Variants in RGS9 observed in about 807,000 individuals in gnomAD.
RGS9 encodes the protein regulator of G-protein signalling 9.
RGS9 carries 78 observed loss-of-function variants against 102.0 expected under a neutral mutation model. That is an observed-to-expected ratio of 0.76 (90% CI 0.64 to 0.92). The LOEUF (loss-of-function observed/expected upper bound fraction) is 0.92. RGS9 is among the 40% of genes least tolerant of loss of function. The pLI, the probability that RGS9 is intolerant of heterozygous loss-of-function variation, is 0.00. For synonymous variants in RGS9, 353 were observed against 318.6 expected, an observed-to-expected ratio of 1.11 and a Z score of -1.15; for missense variants, 833 against 866.1, an observed-to-expected ratio of 0.96 and a Z score of 0.48.
chr17:65,194,642 A>G (rs1440560276), intron 12 of RGS9, among the ~76,000 whole-genome samples: 2 of 152,074 alleles, frequency 1.3e-5, no homozygotes, highest in African/African-American at 4.8e-5. Context: ...GTTATTTGGA[A>G]GAGGGGGCAG....
intron 1 of RGS9, among the ~76,000 whole-genome samples, chr17:65,142,557 T>C (rs1443850183): frequency 6.6e-6 from 1 of 151,598 alleles, no homozygotes; most frequent in Non-Finnish European, 1.5e-5. Context: ...TATGCCACTG[T>C]TTTTCTCCCT....
Position 65,225,295 on chromosome 17 carries a change from C to A in RGS9, c.1701C>A (p.Arg567=). 6.2e-7 allele frequency: 1 copy of A among 1,609,060 alleles called. No homozygotes were observed. Among genetic ancestry groups the A allele is most frequent in the East Asian group, 2.2e-5 (1 of 44,826 alleles). The change falls in exon 18 of 19, where the codon CGC becomes CGA. Residue 567 remains arginine, a synonymous_variant. Coordinates refer to ENST00000262406, the MANE Select transcript of RGS9 (RefSeq NM_003835.4). ...SEASLDTSWP[R]SRPRAPPKAR... is the part of the protein sequence containing the mutation. ...CCTCCCTCGACACCTCCTGGCCTCG[C>A]AGCCGGCCCAGGGCCCCTCCTAAGG...
chr17:65,182,741 G>A (rs572698410), intron 9 of RGS9, among the ~76,000 whole-genome samples: 2 of 152,072 alleles, frequency 1.3e-5, no homozygotes, highest in Admixed American at 1.3e-4. Context: ...TGATCCAACC[G>A]CTGCTCCCCT....
intron 17 of RGS9, among the ~76,000 whole-genome samples, chr17:65,222,922 A>C (rs906478494): frequency 6.6e-6 from 1 of 152,176 alleles, no homozygotes; most frequent in African/African-American, 2.4e-5. Context: ...TGTAGACCAC[A>C]CCGAGGCATC....
At chr17:65,174,425 A>G (rs1911536355) in intron 8 of RGS9, among the ~76,000 whole-genome samples, 1 of 151,250 alleles carries the variant, frequency 6.6e-6, no homozygotes, top group South Asian at 2.1e-4. Flanking sequence ...GTGTGAATGT[A>G]TGTGTGCGAG....
chr17:65,162,381 CA>C (rs879572499), intron 6 of RGS9, among the ~76,000 whole-genome samples: 12 of 149,014 alleles, frequency 8.1e-5, no homozygotes, highest in East Asian at 2.0e-4. Context: ...GACACTGTCT[CA>C]AAAAAAAAAT....
chr17:65,173,513 TG>T lies in RGS9; in HGVS notation c.583-4218del, dbSNP rs1209260478. On this transcript the variant is annotated intron_variant, in intron 8 of 18. Transcript: ENST00000262406. This position sits in a 1 kb window ranked among gnomAD's most constrained non-coding sequence, Gnocchi z 4.8. ...CTGAATGATGATGCATTGAGCAAAT[TG>T]CCTCTTTGGCTTACACCCAAGGGAT... 2.0e-5 allele frequency among the ~76,000 whole-genome samples: 3 copies of T among 152,276 alleles called. No individual in the cohort carries two copies. The East Asian group carries it at 5.8e-4, about 29-fold the overall frequency.
rs924545844 is a variant in RGS9, at chr17:65,168,266, G to A, written c.567G>A (p.Leu189=). ...ACTGCCAGGAGAAGGCATACTGGCT[G>A]GTGCACCGATGCCCTGTGAGTATCC... ...ALDCQEKAYW[L]VHRCPPGMDN... is the part of the protein sequence containing the mutation. Residue 189 remains leucine, a synonymous_variant, in exon 8 of 19, where the codon CTG becomes CTA. Coordinates refer to ENST00000262406, the MANE Select transcript of RGS9 (RefSeq NM_003835.4). 4 of 1,608,828 alleles carry A rather than the reference G, an allele frequency of 2.5e-6. No individual in the cohort carries two copies. Among genetic ancestry groups the A allele is most frequent in the African/African-American group, 1.3e-5 (1 of 74,832 alleles).
At chr17:65,187,316 G>C (rs904438600) in intron 9 of RGS9, among the ~76,000 whole-genome samples, 41 of 152,152 alleles carry the variant, frequency 2.7e-4, no homozygotes, top group Non-Finnish European at 1.5e-4. Flanking sequence ...ACACAAATAA[G>C]GATAAAATTC....
At chr17:65,139,282 C>G (rs1910060398) in intron 1 of RGS9, among the ~76,000 whole-genome samples, 1 of 147,638 alleles carries the variant, frequency 6.8e-6, no homozygotes, top group African/African-American at 2.5e-5. Flanking sequence ...CCACCCCGGT[C>G]TCCCCTCCTC....
At chr17:65,143,067 T>G (rs563329549) in intron 1 of RGS9, among the ~76,000 whole-genome samples, 1 of 152,288 alleles carries the variant, frequency 6.6e-6, no homozygotes, top group African/African-American at 2.4e-5. Flanking sequence ...TAACCATTGC[T>G]CTTTTTGAAA....
chr17:65,187,979 G>C (rs920635455), intron 9 of RGS9, among the ~76,000 whole-genome samples: 2 of 152,138 alleles, frequency 1.3e-5, no homozygotes, highest in Admixed American at 6.5e-5. Context: ...TGGCAACAGA[G>C]AGAGACTCTG....
At chr17:65,219,055 G>A (rs1021303966) in intron 17 of RGS9, among the ~76,000 whole-genome samples, 2 of 152,236 alleles carry the variant, frequency 1.3e-5, no homozygotes, top group Non-Finnish European at 2.9e-5. Flanking sequence ...GCAGAGGGGT[G>A]GGCAGGGCCA....
chr17:65,226,911 A>AG (rs1277319372), intron 18 of RGS9, among the ~76,000 whole-genome samples: 9 of 152,182 alleles, frequency 5.9e-5, no homozygotes, highest in Non-Finnish European at 1.0e-4. Flanking sequence ...CACAGTGCCC[A>AG]GCACCCATGA....
chr17:65,137,442 G>C lies in RGS9; in HGVS notation c.-99G>C. 7.9e-7 allele frequency: 1 copy of C among 1,263,076 alleles called. No homozygotes were observed. Among genetic ancestry groups the C allele is most frequent in the Non-Finnish European group, 1.1e-6 (1 of 875,184 alleles). 78.2% of individuals were successfully genotyped at this position (1,263,076 alleles called of 1,614,324 possible). ...CCCGCCCAGCCGCCTCCCCGTCGACGCCCAGGGCTGGGGCGAGCCAGGCTG... is the reference window on the plus strand; with the variant it reads ...CCCGCCCAGCCGCCTCCCCGTCGACCCCCAGGGCTGGGGCGAGCCAGGCTG... On this transcript the variant is annotated 5_prime_UTR_variant, in exon 1 of 19. Coordinates refer to ENST00000262406, the MANE Select transcript of RGS9 (RefSeq NM_003835.4).
chr17:65,198,626 A>T (rs1320676284), intron 13 of RGS9, among the ~76,000 whole-genome samples: 1 of 152,216 alleles, frequency 6.6e-6, no homozygotes, highest in Non-Finnish European at 1.5e-5. Flanking sequence ...GATCAGAACC[A>T]GGCTGTGCAT....
chr17:65,221,469 G>T (rs1460486554), intron 17 of RGS9, among the ~76,000 whole-genome samples: 1 of 152,166 alleles, frequency 6.6e-6, no homozygotes, highest in East Asian at 1.9e-4. Context: ...ATTTTTGGAT[G>T]GCAATGTGAA....
At chr17:65,188,116 C>T (rs1912201895) in intron 9 of RGS9, among the ~76,000 whole-genome samples, 1 of 151,982 alleles carries the variant, frequency 6.6e-6, no homozygotes, top group Admixed American at 6.5e-5. Context: ...GGGATCACCA[C>T]CTTGCCCAGT....
intron 17 of RGS9, among the ~76,000 whole-genome samples, chr17:65,212,465 T>C (rs1020403153): frequency 7.9e-5 from 12 of 152,118 alleles, no homozygotes; most frequent in African/African-American, 2.9e-4. Flanking sequence ...TAAGAGCATG[T>C]GGACCAGGCA....
Sources: gnomAD v4.1 joint callset for allele counts (sites outside exome capture counted in the v4.1 genomes callset) on GRCh38, gnomAD v4.1.1 for gene constraint, Gnocchi (gnomAD v3.1) non-coding constraint, MANE v1.5 for transcripts, NCBI Gene and HGNC (gene_info 2026-07-23, HGNC 2026-07-21) for gene names.